ENOX1: variants seen among roughly 807,000 people sequenced by gnomAD.
ENOX1 encodes ecto-NOX disulfide-thiol exchanger 1, also known as candidate growth-related and time keeping constitutive hydroquinone (NADH) oxidase.
In ENOX1, 42 loss-of-function variants were observed where a neutral mutation model predicts 82.5. The ratio of observed to expected loss-of-function variants is 0.51; its 90% CI spans 0.40 to 0.66. The LOEUF is 0.66. Among genes scored for constraint, ENOX1 ranks in the 30% least tolerant of loss-of-function variants. The probability of loss-of-function intolerance (pLI) is 0.00; values close to 1 mark genes in which losing one functional copy is unlikely to be tolerated. For missense variants in ENOX1, 608 were observed against 811.6 expected (o/e 0.75, Z 3.05); for synonymous variants, 271 against 282.2 (o/e 0.96, Z 0.40).
chr13:43,475,794 C>CAAAAAAAAAAAAAAA (rs10624980), intron 3 of ENOX1, among the ~76,000 whole-genome samples: 1 of 70,946 alleles, frequency 1.4e-5, no homozygotes, highest in Non-Finnish European at 2.5e-5. Context: ...CATAACTGAC[C>CAAAAAAAAAAAAAAA]AAAAAAAAAA....
At chr13:43,661,423 C>T (rs2153785746) in intron 2 of ENOX1, among the ~76,000 whole-genome samples, 1 of 152,250 alleles carries the variant, frequency 6.6e-6, no homozygotes, top group African/African-American at 2.4e-5. Context: ...CAAGTCTGAA[C>T]ACAGATGCTT....
chr13:43,368,267 A>G (rs1396398675), intron 5 of ENOX1, among the ~76,000 whole-genome samples: 1 of 152,248 alleles, frequency 6.6e-6, no homozygotes. Flanking sequence ...TCCTTTGACC[A>G]GGATGCAACG....
chr13:43,371,396 C>G (rs2051234222), intron 5 of ENOX1, among the ~76,000 whole-genome samples: 10 of 152,158 alleles, frequency 6.6e-5, no homozygotes, highest in Admixed American at 6.5e-4. Flanking sequence ...TCAATGCCTC[C>G]TTGCTCTATA....
At chr13:43,703,552 A>G (rs2087044151) in intron 1 of ENOX1, among the ~76,000 whole-genome samples, 1 of 152,170 alleles carries the variant, frequency 6.6e-6, no homozygotes, top group Non-Finnish European at 1.5e-5. Context: ...AGTCCTATTC[A>G]TAGTCCTATT....
chr13:43,562,003 G>A (rs1457694257), intron 2 of ENOX1, among the ~76,000 whole-genome samples: 1 of 150,488 alleles, frequency 6.6e-6, no homozygotes, highest in Non-Finnish European at 1.5e-5. Context: ...GAGGGAGGGA[G>A]GGAGGGAGGG....
In ENOX1 at chr13:43,244,304, T is replaced by C. The variant is rs1056499409; in HGVS notation, c.1612-7566A>G. Among the ~76,000 whole-genome samples the C allele has an allele frequency of 1.8e-4, 28 of 152,200 alleles. 1 individual carries two copies. Among genetic ancestry groups the C allele is most frequent in the African/African-American group, 6.5e-4 (27 of 41,536 alleles). ...TAGGAATAGATTGTGGCATGATTATTACAACCATTACTCACTTTTATGATT... is the reference window on the plus strand; with the variant it reads ...TAGGAATAGATTGTGGCATGATTATCACAACCATTACTCACTTTTATGATT... On this transcript the variant is annotated intron_variant, in intron 14 of 16. Transcript: ENST00000690772.
intron 2 of ENOX1, among the ~76,000 whole-genome samples, chr13:43,605,808 G>A (rs2081952844): frequency 6.6e-6 from 1 of 152,080 alleles, no homozygotes; most frequent in Non-Finnish European, 1.5e-5. Flanking sequence ...GAAGAAATAG[G>A]ATCACATCAA....
intron 12 of ENOX1, among the ~76,000 whole-genome samples, chr13:43,275,560 A>G (rs976334032): frequency 1.4e-5 from 2 of 146,600 alleles, no homozygotes; most frequent in South Asian, 2.2e-4. Flanking sequence ...AGATATAGAC[A>G]GTGACTGACA....
Position 43,594,135 on chromosome 13 carries a change from AAGG to A in ENOX1, c.-219+73341_-219+73343del, listed in dbSNP as rs559331260. 2.6e-5 allele frequency among the ~76,000 whole-genome samples: 4 copies of A among 152,354 alleles called. No homozygotes were observed. In the South Asian group the frequency reaches 6.2e-4, roughly 24 times the overall value. On this transcript the variant is annotated intron_variant, in intron 2 of 16. Transcript: ENST00000690772. ...GCACCATCCAGAGATACTAGCAAGG[AAGG>A]AGAAGTTCCCTTTACAATTTGGAAT...
intron 9 of ENOX1, among the ~76,000 whole-genome samples, chr13:43,334,008 G>A (rs988002028): frequency 6.6e-6 from 1 of 152,202 alleles, no homozygotes; most frequent in Admixed American, 6.5e-5. Context: ...TCAAAGTGTG[G>A]CCCCTGGACC....
chr13:43,431,656 C>T (rs2055672158), intron 3 of ENOX1, among the ~76,000 whole-genome samples: 1 of 152,144 alleles, frequency 6.6e-6, no homozygotes, highest in East Asian at 1.9e-4. Flanking sequence ...CCCACATACG[C>T]AAATTCATTG....
intron 12 of ENOX1, among the ~76,000 whole-genome samples, chr13:43,284,916 G>A (rs2045605346): frequency 6.6e-6 from 1 of 151,908 alleles, no homozygotes; most frequent in Non-Finnish European, 1.5e-5. Context: ...TTATAAAAGA[G>A]GAGATAGAAA....
intron 8 of ENOX1, among the ~76,000 whole-genome samples, chr13:43,348,798 A>C (rs1410069202): frequency 6.6e-6 from 1 of 152,238 alleles, no homozygotes; most frequent in Non-Finnish European, 1.5e-5. Context: ...TGATGCTGGC[A>C]ATTTGGAAAT....
At chr13:43,504,034 A>G (rs1312574045) in intron 2 of ENOX1, among the ~76,000 whole-genome samples, 1 of 151,816 alleles carries the variant, frequency 6.6e-6, no homozygotes, top group African/African-American at 2.4e-5. Flanking sequence ...ATGGGTAAAG[A>G]AACTGAGTAG....
chr13:43,263,016 C>T (rs1206562960), intron 14 of ENOX1, among the ~76,000 whole-genome samples: 2 of 151,926 alleles, frequency 1.3e-5, no homozygotes, highest in East Asian at 1.9e-4. Context: ...TCAGATGAGA[C>T]GTAGACTTCA....
intron 5 of ENOX1, among the ~76,000 whole-genome samples, chr13:43,370,868 T>A (rs1464771228): frequency 6.6e-6 from 1 of 152,036 alleles, no homozygotes; most frequent in Non-Finnish European, 1.5e-5. Context: ...GGACTCTTTT[T>A]GTCCCCACAA....
intron 9 of ENOX1, among the ~76,000 whole-genome samples, chr13:43,340,832 TCA>T (rs1283931500): frequency 6.6e-6 from 1 of 152,232 alleles, no homozygotes; most frequent in East Asian, 1.9e-4. Context: ...ATTCATTCAC[TCA>T]CTCATCCACC....
chr13:43,486,017 T>G (rs2076401260), intron 2 of ENOX1, among the ~76,000 whole-genome samples: 2 of 152,148 alleles, frequency 1.3e-5, no homozygotes, highest in Non-Finnish European at 2.9e-5. Context: ...GAGGCCATCC[T>G]GGCTAACACT....
rs979585734 is a variant in ENOX1 at position 43,412,072 on chromosome 13, C to T, written c.71-19G>A. The T allele has an allele frequency of 6.2e-7, 1 of 1,611,648 alleles. No homozygotes were observed. Among genetic ancestry groups the T allele is most frequent in the Non-Finnish European group, 8.5e-7 (1 of 1,178,026 alleles). The stretch of plus-strand genomic sequence containing the variant: ...TCGGCTGCTGTGGGGAAAAACAAAC[C>T]ATGATTTAGAGTCCATAGGCAAGGG... On this transcript the variant is annotated intron_variant, in intron 4 of 16. Coordinates refer to ENST00000690772, the MANE Select transcript of ENOX1 (RefSeq NM_001347969.2).
Sources: gnomAD v4.1 joint callset for allele counts (sites outside exome capture counted in the v4.1 genomes callset) on GRCh38, gnomAD v4.1.1 for gene constraint, MANE v1.5 for transcripts, NCBI Gene and HGNC (gene_info 2026-07-23, HGNC 2026-07-21) for gene names.